Variants in MEOX2 observed in about 807,000 individuals in gnomAD.
MEOX2 encodes mesenchyme homeobox 2, also known as homeobox protein MOX-2.
MEOX2 carries 11 observed loss-of-function variants against 27.0 expected under a neutral mutation model. That is an observed-to-expected ratio of 0.41 (90% CI 0.26 to 0.68). The LOEUF (loss-of-function observed/expected upper bound fraction) is 0.68, where lower values mean the gene tolerates loss of function less well. Ranked by LOEUF, MEOX2 falls within the 30% of genes least tolerant of loss-of-function variation. The pLI is 0.33. For missense variants in MEOX2, 436 were observed against 385.4 expected (o/e 1.13, Z -1.10); for synonymous variants, 189 against 155.4 (o/e 1.22, Z -1.61).
chr7:15,685,639 G>C (rs991419846), intron 1 of MEOX2, among the ~76,000 whole-genome samples: 3 of 152,202 alleles, frequency 2.0e-5, no homozygotes, highest in Non-Finnish European at 4.4e-5. Flanking sequence ...CAACCTTCTG[G>C]TAAACTAGTT....
intron 1 of MEOX2, among the ~76,000 whole-genome samples, chr7:15,663,936 T>C (rs1049888263): frequency 1.3e-5 from 2 of 152,186 alleles, no homozygotes; most frequent in Non-Finnish European, 2.9e-5. Flanking sequence ...TAGATAGATA[T>C]AGATAGACAG....
At chr7:15,647,743 T>G (rs1400618177) in intron 1 of MEOX2, among the ~76,000 whole-genome samples, 1 of 152,138 alleles carries the variant, frequency 6.6e-6, no homozygotes, top group Non-Finnish European at 1.5e-5. Context: ...TTGAAATTAC[T>G]AAAACGTAGT....
At chr7:15,673,050 C>G (rs1400851286) in intron 1 of MEOX2, among the ~76,000 whole-genome samples, 1 of 152,152 alleles carries the variant, frequency 6.6e-6, no homozygotes, top group Non-Finnish European at 1.5e-5. Context: ...GGAACCAAGA[C>G]CTTCAAAACA....
chr7:15,634,401 T>C (rs919074356), intron 1 of MEOX2, among the ~76,000 whole-genome samples: 5 of 151,990 alleles, frequency 3.3e-5, no homozygotes, highest in African/African-American at 7.2e-5. Flanking sequence ...AGATAAAATA[T>C]GGTTCTCCCA....
intron 1 of MEOX2, among the ~76,000 whole-genome samples, chr7:15,651,199 A>G (rs767018407): frequency 2.0e-5 from 3 of 152,020 alleles, no homozygotes; most frequent in Non-Finnish European, 2.9e-5. Context: ...TAACTTTGGT[A>G]TGTATAAATG....
At chr7:15,662,690 C>T (rs968933370) in intron 1 of MEOX2, among the ~76,000 whole-genome samples, 4 of 152,048 alleles carry the variant, frequency 2.6e-5, no homozygotes, top group South Asian at 2.1e-4. Flanking sequence ...ATGGAGCAGG[C>T]CCCCATTCCT....
At chr7:15,627,828 T>TACACACACACACACACACAC (rs578053964) in intron 1 of MEOX2, among the ~76,000 whole-genome samples, 1 of 23,826 alleles carries the variant, frequency 4.2e-5, no homozygotes, top group African/African-American at 1.6e-4. Flanking sequence ...CACACACACG[T>TACACACACACACACACACAC]CAAGTAAAAA....
intron 1 of MEOX2, chr7:15,679,764 A>T (rs1180273962): frequency 6.6e-6 from 1 of 152,012 alleles, no homozygotes; most frequent in Non-Finnish European, 1.5e-5. Flanking sequence ...ATTAATTTCT[A>T]ATTCTATTGA....
chr7:15,685,862 C>T (rs369977466), intron 1 of MEOX2, 24 bp downstream of exon 1: 2 of 1,563,334 alleles, frequency 1.3e-6, no homozygotes, highest in African/African-American at 2.7e-5. Context: ...CGCGCACTCT[C>T]GAGGGTGCCT....
chr7:15,644,975 C>A (rs1322005376), intron 1 of MEOX2, among the ~76,000 whole-genome samples: 1 of 152,122 alleles, frequency 6.6e-6, no homozygotes, highest in African/African-American at 2.4e-5. Context: ...TAATACCTTA[C>A]TAGTTCACAA....
intron 1 of MEOX2, among the ~76,000 whole-genome samples, chr7:15,652,778 T>C (rs1395470531): frequency 2.0e-5 from 3 of 152,002 alleles, no homozygotes; most frequent in African/African-American, 7.2e-5. Context: ...CTTTAAAGAT[T>C]CATCCAAGTT....
intron 1 of MEOX2, among the ~76,000 whole-genome samples, chr7:15,633,957 AAAAAGG>A (rs1461949447): frequency 1.3e-5 from 2 of 151,954 alleles, no homozygotes; most frequent in Non-Finnish European, 2.9e-5. Flanking sequence ...TTCAGCTTAG[AAAAAGG>A]AAAAGTATCA....
chr7:15,634,883 A>T (rs895693379), intron 1 of MEOX2, among the ~76,000 whole-genome samples: 6 of 151,972 alleles, frequency 3.9e-5, no homozygotes, highest in African/African-American at 7.2e-5. Flanking sequence ...ATCCACATGG[A>T]ACAGTAAAAT....
At chr7:15,670,970 G>C (rs1372645846) in intron 1 of MEOX2, among the ~76,000 whole-genome samples, 1 of 152,136 alleles carries the variant, frequency 6.6e-6, no homozygotes, top group African/African-American at 2.4e-5. Context: ...TAAGATATCT[G>C]AGATGTTTTC....
intron 1 of MEOX2, among the ~76,000 whole-genome samples, chr7:15,644,728 A>G (rs1781616567): frequency 1.3e-5 from 2 of 152,198 alleles, no homozygotes; most frequent in Admixed American, 6.5e-5. Flanking sequence ...TACTTATGCA[A>G]TATATGAATC....
At chr7:15,671,349 G>A (rs557742562) in intron 1 of MEOX2, among the ~76,000 whole-genome samples, 3 of 152,302 alleles carry the variant, frequency 2.0e-5, no homozygotes, top group African/African-American at 7.2e-5. Context: ...CAGTATCAGA[G>A]TCATTGGTAA....
chr7:15,632,960 GGAC>G, intron 1 of MEOX2, among the ~76,000 whole-genome samples: 1 of 151,980 alleles, frequency 6.6e-6, no homozygotes, highest in Non-Finnish European at 1.5e-5. Flanking sequence ...ACCTACAGTG[GGAC>G]TAAAGGCCCT....
At chr7:15,680,121 T>C (rs1367883732) in intron 1 of MEOX2, 3 of 151,898 alleles carry the variant, frequency 2.0e-5, no homozygotes, top group African/African-American at 7.2e-5. Flanking sequence ...TCATGACCCA[T>C]GAAAATTAAT....
chr7:15,619,613 CA>C (rs1385560925), intron 2 of MEOX2, among the ~76,000 whole-genome samples: 4 of 151,676 alleles, frequency 2.6e-5, no homozygotes, highest in African/African-American at 9.7e-5. Context: ...TACACATATG[CA>C]AACACATACA....
Sources: allele counts gnomAD v4.1 joint callset (sites outside exome capture counted in the v4.1 genomes callset), GRCh38; gene constraint gnomAD v4.1.1; transcripts MANE v1.5; gene names NCBI Gene and HGNC (gene_info 2026-07-23, HGNC 2026-07-21).